Variants in USB1 observed in about 807,000 individuals in gnomAD.
The protein encoded by USB1 is U6 snRNA phosphodiesterase 1.
A neutral mutation model predicts 29.9 loss-of-function variants in USB1; 21 were observed. That is an observed-to-expected ratio of 0.70 (90% CI 0.50 to 1.01). USB1 has a LOEUF of 1.01. Among genes scored for constraint, USB1 ranks in the 50% least tolerant of loss-of-function variants. The pLI is 0.00. For missense variants in USB1, 330 were observed against 347.1 expected (o/e 0.95, Z 0.39); for synonymous variants, 143 against 134.9 (o/e 1.06, Z -0.42).
At chr16:58,015,903 A>G (rs1313541268) in intron 4 of USB1, 1 of 152,366 alleles carries the variant, frequency 6.6e-6, no homozygotes, top group Non-Finnish European at 1.5e-5. Flanking sequence ...GGGTAGGGTT[A>G]GCCCATCCAG....
intron 4 of USB1, chr16:58,015,743 A>C (rs907615180): frequency 1.3e-5 from 2 of 152,250 alleles, no homozygotes; most frequent in Admixed American, 6.6e-5. Context: ...TGAGAATGAG[A>C]AGCCAGCCTT....
Position 58,007,982 on chromosome 16 carries a change from CA to C in USB1, c.266-1937del, listed in dbSNP as rs71385145. Among the ~76,000 whole-genome samples the C allele has an allele frequency of 1.7e-3, 254 of 147,706 alleles. 1 individual carries two copies. The highest frequency in any genetic ancestry group is 5.9e-3 in the African/African-American group (238 of 40,354). On this transcript the variant is annotated intron_variant, in intron 2 of 6. Transcript: ENST00000219281. The stretch of plus-strand genomic sequence containing the variant: ...TGGGCAAAAGAGTGAGACTCTGTCT[CA>C]AAAAAAAAATAATAATAATTCAATT...
Position 58,020,267 on chromosome 16 carries a change from C to A in USB1, c.*22C>A, listed in dbSNP as rs1371157060. The A allele has an allele frequency of 3.7e-6, 6 of 1,610,006 alleles. No homozygotes were observed. Among genetic ancestry groups the A allele is most frequent in the Non-Finnish European group, 5.1e-6 (6 of 1,176,402 alleles). On this transcript the variant is annotated 3_prime_UTR_variant, in exon 7 of 7. Transcript: ENST00000219281. ...GTGAGCACCAGAGGCCTTCCTCCTC[C>A]AGGGCCCTCTGCAGACCAGGCTGAG...
At chr16:58,010,236 C>T in intron 3 of USB1, 124 bp downstream of exon 3, 2 of 1,144,096 alleles carry the variant, frequency 1.7e-6, no homozygotes, top group South Asian at 1.4e-5. Flanking sequence ...GGCCCCTCTC[C>T]TGGGGCTGCC....
chr16:58,009,480 G>T (rs1460042327), intron 2 of USB1, among the ~76,000 whole-genome samples: 1 of 152,126 alleles, frequency 6.6e-6, no homozygotes, highest in African/African-American at 2.4e-5. Flanking sequence ...AGCACTTTGG[G>T]AGGCCGAGGC....
chr16:58,001,532 G>C lies in USB1; in HGVS notation c.49G>C (p.Glu17Gln). 1.2e-6 allele frequency: 2 copies of C among 1,609,402 alleles called. No homozygotes were observed. Among genetic ancestry groups the C allele is most frequent in the Non-Finnish European group, 8.5e-7 (1 of 1,178,330 alleles). The change falls in exon 1 of 7, where the codon GAG becomes CAG. Residue 17 changes from glutamate to glutamine, a missense_variant. By Grantham distance (29) the Glu-to-Gln change is conservative. Coordinates refer to ENST00000219281, the MANE Select transcript of USB1 (RefSeq NM_024598.4). The stretch of plus-strand genomic sequence containing the variant: ...CTACAGCAGCAGCGGCTCCGAGGAT[G>C]AGTCCGAGGACGGGATGCGGACCAG... ...VGYSSSGSED[E>Q]SEDGMRTRPG... is the part of the protein sequence containing the mutation.
intron 3 of USB1, chr16:58,012,465 C>G (rs1170489749): frequency 1.7e-6 from 2 of 1,160,840 alleles, no homozygotes; most frequent in Admixed American, 4.1e-5. Flanking sequence ...TGGCACCTGA[C>G]TGTCACCACC....
At chr16:58,003,682 A>G (rs1318710598) in intron 2 of USB1, among the ~76,000 whole-genome samples, 1 of 152,164 alleles carries the variant, frequency 6.6e-6, no homozygotes, top group Non-Finnish European at 1.5e-5. Flanking sequence ...GGTGTCTGTT[A>G]AGGTCTTTTG....
In USB1 at chr16:58,001,426, T is replaced by G. The variant is rs1403864418; in HGVS notation, c.-58T>G. ...GAGGGCGCTTCCGGCACAGCGGAAC[T>G]CCGGGTGCCGGTTGAGGTTGCTGGT... On this transcript the variant is annotated 5_prime_UTR_variant, in exon 1 of 7. Transcript: ENST00000219281. 6.5e-7 allele frequency: 1 copy of G among 1,549,660 alleles called. No homozygotes were observed. Among genetic ancestry groups the G allele is most frequent in the East Asian group, 2.4e-5 (1 of 41,236 alleles).
At chr16:58,009,860 G>C in intron 2 of USB1, 69 bp from the exon 3 acceptor site, 1 of 1,595,960 alleles carries the variant, frequency 6.3e-7, no homozygotes, top group Non-Finnish European at 8.6e-7. Flanking sequence ...TCTGCCTTCT[G>C]GGCTTCTTCA....
chr16:58,001,396 C>T (rs954003129), upstream of USB1: 58 of 1,492,262 alleles, frequency 3.9e-5, no homozygotes, highest in Non-Finnish European at 4.8e-5. Flanking sequence ...AGGCCCCGCC[C>T]CTGGGAGGGC....
chr16:58,020,392 C>G lies in USB1; in HGVS notation c.*147C>G, dbSNP rs1963708564. ...GGCAGGAGGTGTAGCCACTCCTCAT[C>G]CTCCCTGAGTGCTGATATTCTCTCT... On this transcript the variant is annotated 3_prime_UTR_variant, in exon 7 of 7. Transcript: ENST00000219281. 4 of 715,224 alleles carry G rather than the reference C, an allele frequency of 5.6e-6. No individual in the cohort carries two copies. The highest frequency in any genetic ancestry group is 1.0e-5 in the Non-Finnish European group (4 of 393,900). The allele number at this position is 715,224 out of a possible 1,614,324, so 44.3% of individuals were successfully genotyped here. A position where few individuals can be genotyped will look rare whatever the true frequency, so the allele number is the denominator to read the frequency against.
Position 58,020,244 on chromosome 16 carries a change from G to A in USB1, c.797G>A (p.Ter266=). The A allele has an allele frequency of 6.2e-7, 1 of 1,613,986 alleles. No individual in the cohort carries two copies. Residue 266 remains the stop codon, a stop_retained_variant, in exon 7 of 7, where the codon TGA becomes TAA. Coordinates refer to ENST00000219281, the MANE Select transcript of USB1 (RefSeq NM_024598.4). The part of the protein sequence containing the change: ...GNKFFSMPLK[*] ...AAGTTCTTCTCGATGCCTTTGAAGT[G>A]AGCACCAGAGGCCTTCCTCCTCCAG...
chr16:58,012,203 AC>A (rs1029537521), intron 3 of USB1: 2 of 1,496,842 alleles, frequency 1.3e-6, no homozygotes, highest in African/African-American at 2.8e-5. Context: ...CAATCCAGAC[AC>A]TCGGCCAGGG....
intron 3 of USB1, chr16:58,012,001 AAATGAGG>A: frequency 8.8e-7 from 1 of 1,135,146 alleles, no homozygotes; most frequent in African/African-American, 1.6e-5. Flanking sequence ...GCCTTTTTTC[AAATGAGG>A]TGTTGCACAA....
chr16:58,003,447 T>A (rs1963280736), intron 2 of USB1, among the ~76,000 whole-genome samples: 1 of 152,230 alleles, frequency 6.6e-6, no homozygotes, highest in African/African-American at 2.4e-5. Context: ...GTTTGGTGGC[T>A]TCTTACAAAA....
At position 58,014,343 on chromosome 16, in the gene USB1, C is replaced by T; in HGVS notation, c.503+17C>T. The T allele has an allele frequency of 2.5e-6, 4 of 1,606,038 alleles. No homozygotes were observed. Among genetic ancestry groups the T allele is most frequent in the Non-Finnish European group, 3.4e-6 (4 of 1,172,716 alleles). On this transcript the variant is annotated intron_variant, in intron 4 of 6. Coordinates refer to ENST00000219281, the MANE Select transcript of USB1 (RefSeq NM_024598.4). ...GAAAACCAGGTGGGTCCTCCCAACC[C>T]CCAATCACCATCAGAGGAAGATTCT...
chr16:58,014,340 A>T lies in USB1; in HGVS notation c.503+14A>T. The T allele has an allele frequency of 6.2e-7, 1 of 1,606,450 alleles. No individual in the cohort carries two copies. Among genetic ancestry groups the T allele is most frequent in the Non-Finnish European group, 8.5e-7 (1 of 1,173,078 alleles). ...AGAGAAAACCAGGTGGGTCCTCCCA[A>T]CCCCCAATCACCATCAGAGGAAGAT... On this transcript the variant is annotated intron_variant, in intron 4 of 6. Transcript: ENST00000219281.
intron 2 of USB1, 81 bp downstream of exon 2, chr16:58,002,726 A>G (rs1963258363): frequency 2.5e-6 from 4 of 1,586,204 alleles, no homozygotes; most frequent in Non-Finnish European, 3.4e-6. Context: ...GGCCCCAACT[A>G]GAAGGAAGAA....
Sources: allele counts gnomAD v4.1 joint callset (sites outside exome capture counted in the v4.1 genomes callset), GRCh38; gene constraint gnomAD v4.1.1; transcripts MANE v1.5; gene names NCBI Gene and HGNC (gene_info 2026-07-23, HGNC 2026-07-21).